PC: variants seen among roughly 807,000 people sequenced by gnomAD.
The protein encoded by PC is pyruvate carboxylase, mitochondrial.
Under a neutral mutation model 107.8 loss-of-function variants are expected in PC, and 46 were observed. That is an observed-to-expected ratio of 0.43 (90% CI 0.34 to 0.55). The LOEUF is 0.55. Ranked by LOEUF, PC falls within the 20% of genes least tolerant of loss-of-function variation. The pLI, the probability that PC is intolerant of heterozygous loss-of-function variation, is 0.04. For missense variants in PC, 1,241 were observed against 1,643.1 expected (o/e 0.76, Z 4.23); for synonymous variants, 662 against 684.7 (o/e 0.97, Z 0.52).
rs1387932796 is a variant in PC at position 66,859,689 on chromosome 11, G to A, written c.1368+4085C>T. 22 of 1,612,680 alleles carry A rather than the reference G, an allele frequency of 1.4e-5. No homozygotes were observed. In the South Asian group the frequency reaches 1.9e-4, roughly 14 times the overall value. On this transcript the variant is annotated intron_variant, in intron 12 of 22. Transcript: ENST00000393960. ...CCTGCTGAAGCACCTCGTCCCCGGC[G>A]CTGACTATGACCTCTGCCTGCTGGC... is the stretch of plus-strand genomic sequence containing the variant.
chr11:66,866,136 G>A lies in PC; in HGVS notation c.1185+51C>T, dbSNP rs373224501. ...GCACTGCAGCCCCAGGCACCAGGCA[G>A]AACCTGTGCACAGGTGAGCTGGCAT... On this transcript the variant is annotated intron_variant, in intron 11 of 22. Coordinates refer to ENST00000393960, the MANE Select transcript of PC (RefSeq NM_001040716.2). This position sits in a 1 kb window ranked among gnomAD's most constrained non-coding sequence, Gnocchi z 5.4. 3.5e-5 allele frequency: 56 copies of A among 1,578,772 alleles called. No homozygotes were observed. In the East Asian group the frequency reaches 5.6e-4, roughly 16 times the overall value.
intron 18 of PC, 64 bp downstream of exon 18, chr11:66,850,610 T>G (rs942758334): frequency 6.2e-7 from 1 of 1,601,886 alleles, no homozygotes; most frequent in Non-Finnish European, 8.5e-7. Context: ...GGTCCAACAC[T>G]ACTGGGACTG....
At position 66,900,178 on chromosome 11, in the gene PC, G is replaced by GTTTTT. The variant is rs71045968; in HGVS notation, c.1-28024_1-28020dup. On this transcript the variant is annotated intron_variant, in intron 3 of 22. Transcript: ENST00000393960. ...CAGGAAGTGTGAGTCCTCCAACGTT[G>GTTTTT]TTTTTTTTTTTTTTTTTTTTGAGAC... 1.8e-3 allele frequency among the ~76,000 whole-genome samples: 194 copies of GTTTTT among 107,318 alleles called. 8 individuals carry two copies. The highest frequency in any genetic ancestry group is 1.9e-3 in the Non-Finnish European group (111 of 57,096). The allele number at this position is 107,318 out of a possible 152,430, so 70.4% of individuals were successfully genotyped here.
rs184264093 is a variant in PC at position 66,952,450 on chromosome 11, T to C, written c.-21A>G. On this transcript the variant is annotated 5_prime_UTR_variant, in exon 3 of 23. Coordinates refer to ENST00000393960, the MANE Select transcript of PC (RefSeq NM_001040716.2). ...CTTACCCTTAGTGTTTGGTCAGCTCTCCAGAAGGCAGACACTATCTAAAGC... is the reference window on the plus strand; with the variant it reads ...CTTACCCTTAGTGTTTGGTCAGCTCCCCAGAAGGCAGACACTATCTAAAGC... 1 of 152,348 alleles carries C rather than the reference T, an allele frequency of 6.6e-6. No homozygotes were observed. Among genetic ancestry groups the C allele is most frequent in the Admixed American group, 6.5e-5 (1 of 15,284 alleles). The allele number at this position is 152,348 out of a possible 1,614,324, so 9.4% of individuals were successfully genotyped here.
At chr11:66,918,805 T>C (rs7131592) in intron 3 of PC, among the ~76,000 whole-genome samples, 148,498 of 152,252 alleles carry the variant, frequency 0.98, 72,532 homozygotes, top group Middle Eastern at 1. Context: ...GACCTCCAAA[T>C]AGTCTTCCCA....
chr11:66,945,739 G>C lies in PC; in HGVS notation c.-1+6691C>G, dbSNP rs142903017. On this transcript the variant is annotated intron_variant, in intron 3 of 22. Transcript: ENST00000393960. ...CTTCTCTAATTCCAGGAAAATATTAGATTAAATATAGACAAGGCTAGGAAA... is the reference window on the plus strand; with the variant it reads ...CTTCTCTAATTCCAGGAAAATATTACATTAAATATAGACAAGGCTAGGAAA... Among the ~76,000 whole-genome samples the C allele has an allele frequency of 2.5e-5, 3 of 118,458 alleles. 1 individual carries two copies. In the East Asian group the frequency reaches 7.7e-4, roughly 31 times the overall value. 77.7% of individuals were successfully genotyped at this position (118,458 alleles called of 152,430 possible).
At chr11:66,893,136 C>T (rs985160867) in intron 3 of PC, among the ~76,000 whole-genome samples, 1 of 152,194 alleles carries the variant, frequency 6.6e-6, no homozygotes, top group Non-Finnish European at 1.5e-5. Flanking sequence ...TGAGGACCCC[C>T]ACTGTGACCC....
At chr11:66,913,452 A>G (rs1948388428) in intron 3 of PC, among the ~76,000 whole-genome samples, 1 of 151,890 alleles carries the variant, frequency 6.6e-6, no homozygotes, top group Admixed American at 6.6e-5. Context: ...TGGGAGGCTG[A>G]GGTGGGCGGA....
intron 3 of PC, 33 bp from the exon 4 acceptor site, chr11:66,872,192 A>G (rs1342857547): frequency 6.4e-7 from 1 of 1,564,242 alleles, no homozygotes; most frequent in Non-Finnish European, 8.7e-7. Context: ...AGGTTAGCGC[A>G]GCCTCAGCAC....
chr11:66,931,200 G>A (rs964521727), intron 3 of PC, among the ~76,000 whole-genome samples: 1 of 151,886 alleles, frequency 6.6e-6, no homozygotes, highest in Non-Finnish European at 1.5e-5. Context: ...CCAACATGGT[G>A]AAACTTCGTC....
chr11:66,924,200 T>C (rs1948659635), intron 3 of PC, among the ~76,000 whole-genome samples: 1 of 127,582 alleles, frequency 7.8e-6, no homozygotes, highest in Non-Finnish European at 1.6e-5. Flanking sequence ...AGACTCTATC[T>C]CAGAAAAAAA....
chr11:66,871,649 T>TC lies in PC; in HGVS notation c.321+37dup. Reference sequence around the variant, plus strand: ...CCCCGCGGCAACTAAGACTCCCTGGTCCCTGCTGTCCAGGCCCAGCCAGGC... The same window carrying TC: ...CCCCGCGGCAACTAAGACTCCCTGGTCCCCTGCTGTCCAGGCCCAGCCAGGC... On this transcript the variant is annotated intron_variant, in intron 5 of 22. Coordinates refer to ENST00000393960, the MANE Select transcript of PC (RefSeq NM_001040716.2). The surrounding 1 kb of genome is among the most constrained non-coding windows in gnomAD (Gnocchi z 7.4). The TC allele has an allele frequency of 6.4e-7, 1 of 1,561,412 alleles. No individual in the cohort carries two copies. The highest frequency in any genetic ancestry group is 8.7e-7 in the Non-Finnish European group (1 of 1,152,272).
intron 3 of PC, among the ~76,000 whole-genome samples, chr11:66,935,403 A>G (rs1446183377): frequency 6.6e-6 from 1 of 152,236 alleles, no homozygotes; most frequent in Non-Finnish European, 1.5e-5. Context: ...GTCTTACTGA[A>G]ACAGCCTTGG....
intron 12 of PC, 111 bp from the exon 13 acceptor site, chr11:66,853,494 G>T: frequency 7.8e-7 from 1 of 1,282,522 alleles, no homozygotes; most frequent in Non-Finnish European, 1.1e-6. Flanking sequence ...GGCCAGCACA[G>T]CTTCTGGGCC....
At chr11:66,899,634 C>T (rs1478874571) in intron 3 of PC, among the ~76,000 whole-genome samples, 1 of 152,190 alleles carries the variant, frequency 6.6e-6, no homozygotes, top group Admixed American at 6.5e-5. Context: ...CCGTACCCAG[C>T]CAAGAGTTCT....
chr11:66,870,151 TG>T lies in PC; in HGVS notation c.903+150del. The T allele has an allele frequency of 1.0e-6, 1 of 958,468 alleles. No homozygotes were observed. The highest frequency in any genetic ancestry group is 1.6e-6 in the Non-Finnish European group (1 of 628,212). 59.4% of individuals were successfully genotyped at this position (958,468 alleles called of 1,614,324 possible). A position where few individuals can be genotyped will look rare whatever the true frequency, so the allele number is the denominator to read the frequency against. On this transcript the variant is annotated intron_variant, in intron 9 of 22. Coordinates refer to ENST00000393960, the MANE Select transcript of PC (RefSeq NM_001040716.2). The surrounding 1 kb of genome is among the most constrained non-coding windows in gnomAD (Gnocchi z 6.1). The stretch of plus-strand genomic sequence containing the variant: ...GGGAAGGATGCCACAAACCCACTTC[TG>T]GCCCCCAGGAGAGTCCTTCACCCTC...
chr11:66,891,215 C>T (rs1202544523), intron 3 of PC, among the ~76,000 whole-genome samples: 1 of 151,844 alleles, frequency 6.6e-6, no homozygotes. Flanking sequence ...CGCCAACATG[C>T]CCAACTAATT....
rs758030072 is a variant in PC at position 66,872,091 on chromosome 11, G to A, written c.69C>T (p.Pro23=). ...GGCGCCGGACATTTGGGGAGGCAGC[G>A]GGGGCGGTGGAGGTTCGGCGGATTC... ...LLGIRRTSTA[P]AASPNVRRLE... The change falls in exon 4 of 23, where the codon CCC becomes CCT. Residue 23 remains proline (P), a synonymous_variant. Transcript: ENST00000393960. The A allele has an allele frequency of 4.5e-6, 7 of 1,570,306 alleles. No homozygotes were observed. Among genetic ancestry groups the A allele is most frequent in the East Asian group, 2.4e-5 (1 of 42,208 alleles).
chr11:66,916,885 CAG>C (rs1948475154), intron 3 of PC, among the ~76,000 whole-genome samples: 2 of 151,990 alleles, frequency 1.3e-5, no homozygotes, highest in Non-Finnish European at 2.9e-5. Context: ...ACCCGGGAGG[CAG>C]AGTTTGTAGT....
Sources: gnomAD v4.1 joint callset for allele counts (sites outside exome capture counted in the v4.1 genomes callset) on GRCh38, gnomAD v4.1.1 for gene constraint, Gnocchi (gnomAD v3.1) non-coding constraint, MANE v1.5 for transcripts, NCBI Gene and HGNC (gene_info 2026-07-23, HGNC 2026-07-21) for gene names.